Variants in AUTS2 observed in about 807,000 individuals in gnomAD.
AUTS2 encodes the protein activator of transcription and developmental regulator AUTS2.
Under a neutral mutation model 112.4 loss-of-function variants are expected in AUTS2, and 17 were observed. The observed-to-expected ratio is 0.15, with a 90% CI of 0.10 to 0.23. AUTS2 has a LOEUF of 0.23. AUTS2 is among the 10% of genes least tolerant of loss of function. The pLI is 1.00. For missense variants in AUTS2, 1,510 were observed against 1,701.6 expected, an observed-to-expected ratio of 0.89 and a Z score of 1.98; for synonymous variants, 751 against 702.7, an observed-to-expected ratio of 1.07 and a Z score of -1.09.
At chr7:69,870,900 G>A (rs929034774) in intron 1 of AUTS2, among the ~76,000 whole-genome samples, 1 of 152,142 alleles carries the variant, frequency 6.6e-6, no homozygotes, top group Non-Finnish European at 1.5e-5. Flanking sequence ...ACCATTCATG[G>A]TTCTGTTGTG....
chr7:69,982,426 CT>C (rs1479726957), intron 2 of AUTS2, among the ~76,000 whole-genome samples: 4 of 151,906 alleles, frequency 2.6e-5, no homozygotes, highest in Non-Finnish European at 4.4e-5. Flanking sequence ...TGCTGTTTCT[CT>C]TTCTTTTCTT....
At chr7:70,174,098 G>A (rs138899699) in intron 4 of AUTS2, among the ~76,000 whole-genome samples, 2 of 152,324 alleles carry the variant, frequency 1.3e-5, no homozygotes, top group East Asian at 3.9e-4. Context: ...TGGCCAAGTT[G>A]TGAATGCAAA....
chr7:70,366,902 T>C (rs1792596242), intron 4 of AUTS2, among the ~76,000 whole-genome samples: 1 of 152,084 alleles, frequency 6.6e-6, no homozygotes, highest in Non-Finnish European at 1.5e-5. Flanking sequence ...ATTTTGGAGA[T>C]GTTGAGTTTG....
intron 4 of AUTS2, among the ~76,000 whole-genome samples, chr7:70,383,385 A>T (rs891514487): frequency 6.6e-6 from 1 of 152,204 alleles, no homozygotes; most frequent in Non-Finnish European, 1.5e-5. Context: ...GTCCCATAGT[A>T]AAATTTTAGC....
chr7:70,545,018 G>A (rs560234402), intron 5 of AUTS2, among the ~76,000 whole-genome samples: 6 of 152,252 alleles, frequency 3.9e-5, no homozygotes, highest in East Asian at 1.9e-4. Context: ...GAGAAGCCTC[G>A]CTTTGGACAG....
At chr7:70,281,676 CTTG>C (rs1356719042) in intron 4 of AUTS2, among the ~76,000 whole-genome samples, 4 of 151,530 alleles carry the variant, frequency 2.6e-5, no homozygotes, top group East Asian at 1.9e-4. Context: ...AATGTACTTA[CTTG>C]TTGTAAACAT....
intron 1 of AUTS2, among the ~76,000 whole-genome samples, chr7:69,647,103 A>G (rs1795059314): frequency 6.6e-6 from 1 of 152,078 alleles, no homozygotes; most frequent in African/African-American, 2.4e-5. Flanking sequence ...AAACAAAACA[A>G]AAAACAAAAA....
chr7:69,882,779 A>G (rs940904497), intron 1 of AUTS2, among the ~76,000 whole-genome samples: 2 of 152,212 alleles, frequency 1.3e-5, no homozygotes, highest in Non-Finnish European at 1.5e-5. Context: ...AATATCCAGT[A>G]TGTTGCTTGG....
At chr7:70,690,559 T>G (rs1808704889) in intron 5 of AUTS2, among the ~76,000 whole-genome samples, 1 of 152,222 alleles carries the variant, frequency 6.6e-6, no homozygotes, top group Non-Finnish European at 1.5e-5. Flanking sequence ...TATAAAACGC[T>G]TAACAGAAGA....
At chr7:70,087,350 A>G (rs1326180069) in intron 2 of AUTS2, among the ~76,000 whole-genome samples, 2 of 150,404 alleles carry the variant, frequency 1.3e-5, no homozygotes, top group African/African-American at 2.4e-5. Flanking sequence ...GTTGAACTTA[A>G]TTAGCCTGTC....
chr7:70,525,902 G>A (rs1799821181), intron 5 of AUTS2, among the ~76,000 whole-genome samples: 1 of 152,188 alleles, frequency 6.6e-6, no homozygotes, highest in Non-Finnish European at 1.5e-5. Context: ...TCTGGACAGG[G>A]GGCCCTGGCC....
At chr7:70,408,729 T>C (rs943222634) in intron 4 of AUTS2, among the ~76,000 whole-genome samples, 5 of 152,312 alleles carry the variant, frequency 3.3e-5, no homozygotes, top group African/African-American at 1.2e-4. Flanking sequence ...CTAGAGATCA[T>C]GGAGAGAAGT....
chr7:69,970,271 T>C (rs1467675503), intron 2 of AUTS2, among the ~76,000 whole-genome samples: 1 of 152,168 alleles, frequency 6.6e-6, no homozygotes, highest in Non-Finnish European at 1.5e-5. Context: ...ATTTCCTTTT[T>C]GGTGTGTTTT....
intron 5 of AUTS2, among the ~76,000 whole-genome samples, chr7:70,593,835 T>G (rs1803066307): frequency 1.3e-5 from 2 of 152,192 alleles, no homozygotes; most frequent in South Asian, 4.1e-4. Context: ...ACCAGTCACT[T>G]GAACAGCTCC....
At chr7:70,456,118 C>G (rs2131133090) in intron 5 of AUTS2, among the ~76,000 whole-genome samples, 1 of 152,272 alleles carries the variant, frequency 6.6e-6, no homozygotes, top group South Asian at 2.1e-4. Flanking sequence ...GCTTTAAAAA[C>G]CCTCAACTTC....
chr7:70,622,710 A>G (rs1477001159), intron 5 of AUTS2, among the ~76,000 whole-genome samples: 2 of 152,218 alleles, frequency 1.3e-5, no homozygotes, highest in Non-Finnish European at 2.9e-5. Context: ...TAAACATTAT[A>G]TGTAATGGGT....
chr7:70,781,517 C>T, intron 14 of AUTS2, 98 bp from the exon 15 acceptor site: 1 of 1,437,128 alleles, frequency 7.0e-7, no homozygotes, highest in Non-Finnish European at 9.4e-7. Context: ...AACTTGAACC[C>T]AAGTGCACCG....
chr7:69,964,090 T>C (rs76544432), intron 2 of AUTS2, among the ~76,000 whole-genome samples: 4,972 of 152,218 alleles, frequency 0.033, 258 homozygotes, highest in African/African-American at 0.11. Context: ...AGAAAATTTG[T>C]GTGTTCTTAT....
At chr7:70,781,841 C>T (rs1004404902) in intron 15 of AUTS2, 85 bp downstream of exon 15, 10 of 1,519,924 alleles carry the variant, frequency 6.6e-6, no homozygotes, top group Non-Finnish European at 8.9e-6. Flanking sequence ...CTCTGAGCTG[C>T]CGCTCAGTCA....
Sources: gnomAD v4.1 joint callset for allele counts (sites outside exome capture counted in the v4.1 genomes callset) on GRCh38, gnomAD v4.1.1 for gene constraint, MANE v1.5 for transcripts, NCBI Gene and HGNC (gene_info 2026-07-23, HGNC 2026-07-21) for gene names.